The following HELB variants were observed in gnomAD, a reference collection of about 807,000 sequenced individuals.
HELB encodes DNA 5'-3' helicase B.
In HELB, 96 loss-of-function variants were observed where a neutral mutation model predicts 101.7. The ratio of observed to expected loss-of-function variants is 0.94; its 90% CI spans 0.80 to 1.12. The LOEUF (loss-of-function observed/expected upper bound fraction) is 1.12. HELB is among the 50% of genes most tolerant of loss of function. The probability of loss-of-function intolerance (pLI) is 0.00; values close to 1 mark genes in which losing one functional copy is unlikely to be tolerated. For missense variants in HELB, 1,210 were observed against 1,291.9 expected (o/e 0.94, Z 0.97); for synonymous variants, 437 against 459.7 (o/e 0.95, Z 0.63).
downstream of HELB, chr12:66,338,883 G>A (rs1449430758): frequency 6.6e-6 from 1 of 152,166 alleles, no homozygotes. Flanking sequence ...ACTGCTGCCT[G>A]GGGCCCAGCC....
chr12:66,333,239 T>C (rs546983472), intron 12 of HELB, among the ~76,000 whole-genome samples: 2 of 151,202 alleles, frequency 1.3e-5, no homozygotes, highest in African/African-American at 4.9e-5. Flanking sequence ...TGGCAGGGGG[T>C]GTGGTGGGCA....
chr12:66,322,782 AAGTG>A lies in HELB; in HGVS notation c.2297+4_2297+7del. On this transcript the variant is annotated splice_donor_variant and splice_donor_region_variant and coding_sequence_variant and intron_variant, in exon 9 of 13. Transcript: ENST00000247815. LOFTEE classifies it high-confidence loss of function. ...CAAACACTACACAGGCCACCTCACC[AAGTG>A]AGTGTCTTCGAGAACTGAAACTTTT... 3 of 1,601,170 alleles carry A rather than the reference AAGTG, an allele frequency of 1.9e-6. No individual in the cohort carries two copies. The highest frequency in any genetic ancestry group is 2.6e-6 in the Non-Finnish European group (3 of 1,171,294).
intron 11 of HELB, among the ~76,000 whole-genome samples, chr12:66,327,032 T>C (rs1471338168): frequency 1.9e-5 from 1 of 51,404 alleles, no homozygotes; most frequent in African/African-American, 8.6e-5. Context: ...GGAGACTTCA[T>C]CTCAAAAAAA....
chr12:66,324,921 A>C, intron 10 of HELB, 62 bp from the exon 11 acceptor site: 1 of 1,588,096 alleles, frequency 6.3e-7, no homozygotes, highest in African/African-American at 1.3e-5. Flanking sequence ...AATATCTTTG[A>C]ACGTATTTGA....
chr12:66,319,167 A>T (rs529412824), intron 7 of HELB, among the ~76,000 whole-genome samples: 10 of 152,328 alleles, frequency 6.6e-5, no homozygotes, highest in African/African-American at 2.4e-4. Context: ...GAATACAAAT[A>T]CTCAATGCTA....
intron 8 of HELB, 98 bp downstream of exon 8, chr12:66,322,127 A>G (rs915385390): frequency 1.7e-6 from 1 of 580,574 alleles, no homozygotes; most frequent in African/African-American, 1.9e-5. Context: ...CCAATATTTC[A>G]TCACTGTTAA....
Position 66,310,567 on chromosome 12 carries a change from C to T in HELB, c.1639C>T (p.Leu547=), listed in dbSNP as rs757231594. The change falls in exon 4 of 13, where the codon CTA becomes TTA. Residue 547 remains leucine, a synonymous_variant. Coordinates refer to ENST00000247815, the MANE Select transcript of HELB (RefSeq NM_001370285.1). ...TAPTGKAAGL[L]RQKTGLHAYT... is the part of the protein sequence containing the mutation. The stretch of plus-strand genomic sequence containing the variant: ...ACCTACAGGGAAAGCAGCTGGCTTA[C>T]TAAGACAGAAAACTGGTCTTCATGC... 3.1e-6 allele frequency: 5 copies of T among 1,613,914 alleles called. No homozygotes were observed. In the Admixed American group the frequency reaches 8.3e-5, roughly 27 times the overall value.
At chr12:66,321,309 G>C (rs2053667632) in intron 7 of HELB, 1 of 152,290 alleles carries the variant, frequency 6.6e-6, no homozygotes, top group African/African-American at 2.4e-5. Context: ...CTATGCCAGG[G>C]TTAACCTTTT....
Position 66,338,155 on chromosome 12 carries a change from A to G in HELB, c.*53A>G. ...ATGTTTTTCTATTGGAGACAAAATG[A>G]ACATCGTAACGTCAAAGTACCAAGA... On this transcript the variant is annotated 3_prime_UTR_variant, in exon 13 of 13. Coordinates refer to ENST00000247815, the MANE Select transcript of HELB (RefSeq NM_001370285.1). The G allele has an allele frequency of 9.7e-7, 1 of 1,035,816 alleles. No homozygotes were observed. Among genetic ancestry groups the G allele is most frequent in the Non-Finnish European group, 1.5e-6 (1 of 662,706 alleles). The allele number at this position is 1,035,816 out of a possible 1,614,324, so 64.2% of individuals were successfully genotyped here.
intron 3 of HELB, among the ~76,000 whole-genome samples, chr12:66,307,089 TGTG>T (rs1169951683): frequency 6.6e-6 from 1 of 152,218 alleles, no homozygotes; most frequent in Admixed American, 6.5e-5. Context: ...GGAAACCAAA[TGTG>T]GTACTTAATC....
intron 4 of HELB, among the ~76,000 whole-genome samples, chr12:66,311,204 T>C (rs2053541205): frequency 6.6e-6 from 1 of 151,346 alleles, no homozygotes; most frequent in Admixed American, 6.6e-5. Flanking sequence ...TTCCTGTCTG[T>C]AATCCCAGCA....
At chr12:66,304,604 C>T (rs755280622) in intron 1 of HELB, 127 bp from the exon 2 acceptor site, 258 of 808,870 alleles carry the variant, frequency 3.2e-4, no homozygotes, top group Non-Finnish European at 4.6e-4. Context: ...AGGCACCCTA[C>T]CAGACATCTT....
At chr12:66,303,261 A>G (rs1165883650) in intron 1 of HELB, among the ~76,000 whole-genome samples, 1 of 152,024 alleles carries the variant, frequency 6.6e-6, no homozygotes, top group Non-Finnish European at 1.5e-5. Flanking sequence ...CTCAAGTTCT[A>G]TAGAATGAGA....
At chr12:66,342,749 CA>C (rs1481682685), downstream of HELB, 1 of 149,888 alleles carries the variant, frequency 6.7e-6, no homozygotes, top group Admixed American at 6.7e-5. Context: ...GGCTGGAGTG[CA>C]ATGGTGCCAT....
chr12:66,316,449 G>A (rs989425120), intron 6 of HELB, among the ~76,000 whole-genome samples: 40 of 152,026 alleles, frequency 2.6e-4, no homozygotes, highest in African/African-American at 8.5e-4. Context: ...CTCCTAAGTA[G>A]GATGTAGCAG....
At chr12:66,339,183 A>G (rs2053898432), downstream of HELB, 1 of 152,220 alleles carries the variant, frequency 6.6e-6, no homozygotes. Context: ...TCAGGCATAA[A>G]TGGTTAATAG....
At chr12:66,335,098 C>T (rs1162657584) in intron 12 of HELB, among the ~76,000 whole-genome samples, 1 of 152,104 alleles carries the variant, frequency 6.6e-6, no homozygotes, top group African/African-American at 2.4e-5. Flanking sequence ...GAGGAGAACT[C>T]GTTTGGGGAA....
chr12:66,310,098 C>T lies in HELB; in HGVS notation c.1170C>T (p.His390=). 1.9e-6 allele frequency: 3 copies of T among 1,614,186 alleles called. No individual in the cohort carries two copies. The South Asian group carries it at 3.3e-5, about 18-fold the overall frequency. The change falls in exon 4 of 13, where the codon CAC becomes CAT. Residue 390 remains histidine (H), a synonymous_variant. Coordinates refer to ENST00000247815, the MANE Select transcript of HELB (RefSeq NM_001370285.1). The part of the protein sequence containing the change: ...VDVEKVLASI[H]TTKPENSSDD... Reference sequence around the variant, plus strand: ...TCGAAAAGGTGCTTGCCTCTATTCACACCACAAAACCTGAGAATTCAAGCG... The same window carrying T: ...TCGAAAAGGTGCTTGCCTCTATTCATACCACAAAACCTGAGAATTCAAGCG...
rs201633650 is a variant in HELB, at chr12:66,314,088, G to A, written c.1783G>A (p.Val595Ile). 8.4e-5 allele frequency: 136 copies of A among 1,613,722 alleles called. No individual in the cohort carries two copies. The highest frequency in any genetic ancestry group is 2.7e-4 in the Admixed American group (16 of 59,988). ...TCTGGTTGTGGATGAAGGGAGTTTG[G>A]TATCTGTAGGAATCTTCAAATCGGT... ...RVLVVDEGSL[V>I]SVGIFKSVLN... Residue 595 changes from valine (V) to isoleucine (I), a missense_variant, in exon 5 of 13, where the codon GTA becomes ATA. Coordinates refer to ENST00000247815, the MANE Select transcript of HELB (RefSeq NM_001370285.1).
Sources: gnomAD v4.1 joint callset for allele counts (sites outside exome capture counted in the v4.1 genomes callset) on GRCh38, gnomAD v4.1.1 for gene constraint, MANE v1.5 for transcripts, NCBI Gene and HGNC (gene_info 2026-07-23, HGNC 2026-07-21) for gene names.